Variants in PTPRD observed in about 807,000 individuals in gnomAD.
PTPRD encodes protein tyrosine phosphatase receptor type D.
PTPRD carries 34 observed loss-of-function variants against 214.5 expected under a neutral mutation model. The observed-to-expected ratio is 0.16, with a 90% confidence interval of 0.12 to 0.21. PTPRD has a LOEUF of 0.21. Among genes scored for constraint, PTPRD ranks in the 10% least tolerant of loss-of-function variants. PTPRD has a pLI of 1.00. For synonymous variants in PTPRD, 1,128 were observed against 845.7 expected, an observed-to-expected ratio of 1.33 and a Z score of -5.79; for missense variants, 2,545 against 2,398.7, an observed-to-expected ratio of 1.06 and a Z score of -1.27.
chr9:8,477,807 A>T (rs533132408), intron 30 of PTPRD, among the ~76,000 whole-genome samples: 1 of 151,820 alleles, frequency 6.6e-6, no homozygotes, highest in South Asian at 2.1e-4. Flanking sequence ...CAATTGACCT[A>T]GGAAAAAAAA....
chr9:10,461,902 G>A (rs1355201825), intron 2 of PTPRD, among the ~76,000 whole-genome samples: 14 of 152,052 alleles, frequency 9.2e-5, no homozygotes, highest in Admixed American at 7.2e-4. Flanking sequence ...GATTACAGGC[G>A]TGAATCACCA....
chr9:10,535,514 T>A (rs1229067541), intron 2 of PTPRD, among the ~76,000 whole-genome samples: 1 of 152,072 alleles, frequency 6.6e-6, no homozygotes. Context: ...CTAACAAAAA[T>A]GCACTTTGCT....
intron 25 of PTPRD, among the ~76,000 whole-genome samples, chr9:8,498,727 C>G (rs2097331744): frequency 6.6e-6 from 1 of 152,156 alleles, no homozygotes. Flanking sequence ...ATCCTATCCC[C>G]ATGACATCTC....
intron 8 of PTPRD, among the ~76,000 whole-genome samples, chr9:9,546,242 G>T (rs2078781945): frequency 6.9e-6 from 1 of 145,982 alleles, no homozygotes. Flanking sequence ...TGGAATTTTT[G>T]GAATTTTTAC....
At chr9:9,233,621 G>A (rs537250971) in intron 9 of PTPRD, among the ~76,000 whole-genome samples, 1 of 152,286 alleles carries the variant, frequency 6.6e-6, no homozygotes, top group South Asian at 2.1e-4. Context: ...TCAAAAGCAA[G>A]TTAGTTACTT....
intron 5 of PTPRD, among the ~76,000 whole-genome samples, chr9:9,777,940 A>G (rs1299242589): frequency 6.6e-6 from 1 of 152,208 alleles, no homozygotes; most frequent in Non-Finnish European, 1.5e-5. Flanking sequence ...TGAATAGCAG[A>G]AAGAAAATGC....
At chr9:9,789,651 G>T (rs2098952248) in intron 5 of PTPRD, among the ~76,000 whole-genome samples, 1 of 151,740 alleles carries the variant, frequency 6.6e-6, no homozygotes, top group Admixed American at 6.6e-5. Flanking sequence ...CAAAAACTTA[G>T]CTGGGCGTGG....
chr9:9,688,601 G>A (rs149908164), intron 7 of PTPRD, among the ~76,000 whole-genome samples: 18 of 151,840 alleles, frequency 1.2e-4, no homozygotes, highest in African/African-American at 1.9e-4. Context: ...CAAAGTTTGC[G>A]TGAGTGATGA....
chr9:9,213,352 T>C (rs1444723037), intron 9 of PTPRD, among the ~76,000 whole-genome samples: 3 of 152,190 alleles, frequency 2.0e-5, no homozygotes, highest in Non-Finnish European at 4.4e-5. Context: ...ATTTGATGCA[T>C]AGACATCAAC....
At chr9:8,963,897 A>C (rs2099172108) in intron 11 of PTPRD, among the ~76,000 whole-genome samples, 1 of 152,116 alleles carries the variant, frequency 6.6e-6, no homozygotes. Flanking sequence ...TACAGGCATG[A>C]GCCATTGCAC....
intron 9 of PTPRD, among the ~76,000 whole-genome samples, chr9:9,187,381 C>A (rs2099932261): frequency 6.6e-6 from 1 of 152,012 alleles, no homozygotes; most frequent in South Asian, 2.1e-4. Flanking sequence ...TTACCTTAAA[C>A]ACCAGGTAAG....
At chr9:10,142,700 T>C (rs1231790027) in intron 3 of PTPRD, among the ~76,000 whole-genome samples, 1 of 149,002 alleles carries the variant, frequency 6.7e-6, no homozygotes, top group Non-Finnish European at 1.5e-5. Flanking sequence ...GTTCAACCAT[T>C]GTGGAAGTCA....
chr9:8,534,889 A>G (rs941343814), intron 14 of PTPRD, among the ~76,000 whole-genome samples: 2 of 151,944 alleles, frequency 1.3e-5, no homozygotes, highest in Non-Finnish European at 2.9e-5. Flanking sequence ...AAACAAGAAG[A>G]TAATTTGAAC....
chr9:8,892,740 T>C (rs1420567927), intron 11 of PTPRD, among the ~76,000 whole-genome samples: 3 of 150,488 alleles, frequency 2.0e-5, no homozygotes, highest in Non-Finnish European at 3.0e-5. Flanking sequence ...TATGTATGTA[T>C]ATATATAGAC....
intron 11 of PTPRD, among the ~76,000 whole-genome samples, chr9:8,819,556 G>C (rs973850637): frequency 6.6e-6 from 1 of 152,042 alleles, no homozygotes; most frequent in African/African-American, 2.4e-5. Flanking sequence ...AGCTACTTGA[G>C]AGGCTGAGGC....
At chr9:9,252,860 A>G (rs2099976066) in intron 9 of PTPRD, among the ~76,000 whole-genome samples, 2 of 152,064 alleles carry the variant, frequency 1.3e-5, no homozygotes, top group Admixed American at 6.6e-5. Context: ...TAACCAGCCA[A>G]TCACACGCAA....
chr9:10,292,606 G>C (rs1422949161), intron 3 of PTPRD, among the ~76,000 whole-genome samples: 2 of 151,834 alleles, frequency 1.3e-5, no homozygotes, highest in East Asian at 1.9e-4. Flanking sequence ...TGTTATTTTT[G>C]GGCAATCTTA....
intron 9 of PTPRD, among the ~76,000 whole-genome samples, chr9:9,363,173 T>C (rs537528201): frequency 1.3e-5 from 2 of 150,946 alleles, no homozygotes; most frequent in East Asian, 3.9e-4. Flanking sequence ...TGACATATCT[T>C]TTTTTGGTTG....
chr9:10,361,363 T>C (rs2097386285), intron 2 of PTPRD, among the ~76,000 whole-genome samples: 1 of 152,170 alleles, frequency 6.6e-6, no homozygotes, highest in Admixed American at 6.5e-5. Context: ...AATAGTTTGA[T>C]GTCACAGATT....
Sources: allele counts gnomAD v4.1 joint callset (sites outside exome capture counted in the v4.1 genomes callset), GRCh38; gene constraint gnomAD v4.1.1; transcripts MANE v1.5; gene names NCBI Gene and HGNC (gene_info 2026-07-23, HGNC 2026-07-21).